RNF38: variants seen among roughly 807,000 people sequenced by gnomAD.
RNF38 encodes E3 ubiquitin-protein ligase RNF38.
A neutral mutation model predicts 67.2 loss-of-function variants in RNF38; 15 were observed. The ratio of observed to expected loss-of-function variants is 0.22; its 90% CI spans 0.15 to 0.34. The LOEUF (loss-of-function observed/expected upper bound fraction) is 0.34. RNF38 is among the 10% of genes least tolerant of loss of function. The pLI is 1.00. For synonymous variants in RNF38, 220 were observed against 218.8 expected, an observed-to-expected ratio of 1.01 and a Z score of -0.05; for missense variants, 524 against 639.9, an observed-to-expected ratio of 0.82 and a Z score of 1.95.
At chr9:36,402,771 T>G (rs1337685759), upstream of RNF38, among the ~76,000 whole-genome samples, 1 of 152,244 alleles carries the variant, frequency 6.6e-6, no homozygotes, top group Non-Finnish European at 1.5e-5. Context: ...TGAGGCAAGC[T>G]TCCTGAAACC....
chr9:36,384,413 A>C (rs1836441334), intron 2 of RNF38, among the ~76,000 whole-genome samples: 1 of 152,318 alleles, frequency 6.6e-6, no homozygotes, highest in Non-Finnish European at 1.5e-5. Context: ...CTGCAGACAT[A>C]GACAAAATTG....
chr9:36,342,694 TG>T (rs1375171244), intron 10 of RNF38, among the ~76,000 whole-genome samples: 2 of 152,204 alleles, frequency 1.3e-5, no homozygotes, highest in East Asian at 3.8e-4. Flanking sequence ...GTATTAGAAC[TG>T]GATGTCCACA....
chr9:36,366,186 A>G (rs1251741923), intron 4 of RNF38, among the ~76,000 whole-genome samples: 2 of 152,178 alleles, frequency 1.3e-5, no homozygotes, highest in Non-Finnish European at 2.9e-5. Flanking sequence ...CTATCATTTA[A>G]AAAAAATTTT....
At chr9:36,424,059 G>C (rs1327711654) in intron 2 of RNF38, among the ~76,000 whole-genome samples, 1 of 151,976 alleles carries the variant, frequency 6.6e-6, no homozygotes, top group African/African-American at 2.4e-5. Flanking sequence ...CAATAGTTTG[G>C]ACATAATTTA....
chr9:36,405,875 A>G (rs951245466), upstream of RNF38, among the ~76,000 whole-genome samples: 12 of 152,236 alleles, frequency 7.9e-5, no homozygotes, highest in Admixed American at 7.2e-4. Context: ...ACAAATTTAA[A>G]TAAGTGCTAG....
chr9:36,435,016 G>C (rs1458389553), intron 1 of RNF38, among the ~76,000 whole-genome samples: 2 of 152,134 alleles, frequency 1.3e-5, no homozygotes, highest in Non-Finnish European at 2.9e-5. Context: ...AGCTCTTTAT[G>C]TACTGATAAA....
chr9:36,388,157 T>G (rs1836786844), intron 2 of RNF38, among the ~76,000 whole-genome samples: 1 of 152,068 alleles, frequency 6.6e-6, no homozygotes, highest in Non-Finnish European at 1.5e-5. Flanking sequence ...TGAAGAGAGA[T>G]GTACGTGAGG....
At chr9:36,355,353 G>C (rs1426662101) in intron 6 of RNF38, among the ~76,000 whole-genome samples, 1 of 152,068 alleles carries the variant, frequency 6.6e-6, no homozygotes, top group African/African-American at 2.4e-5. Context: ...AAAACAACTG[G>C]ACCTTTTTTC....
chr9:36,396,157 ATT>A (rs914468039), intron 1 of RNF38, among the ~76,000 whole-genome samples: 2 of 152,212 alleles, frequency 1.3e-5, no homozygotes, highest in Non-Finnish European at 2.9e-5. Context: ...GCATTCAACT[ATT>A]TATTAAAAGA....
At chr9:36,453,319 A>G (rs1839504509) in intron 1 of RNF38, among the ~76,000 whole-genome samples, 1 of 151,734 alleles carries the variant, frequency 6.6e-6, no homozygotes, top group East Asian at 1.9e-4. Flanking sequence ...AACTCAAGCA[A>G]TCTTGCTGCC....
chr9:36,396,103 G>A (rs111320125), intron 1 of RNF38, among the ~76,000 whole-genome samples: 32 of 152,336 alleles, frequency 2.1e-4, no homozygotes, highest in African/African-American at 5.8e-4. Flanking sequence ...GTCCTGTTCA[G>A]CACAATGTCA....
At chr9:36,364,815 G>A (rs1834821998) in intron 4 of RNF38, among the ~76,000 whole-genome samples, 1 of 152,222 alleles carries the variant, frequency 6.6e-6, no homozygotes, top group Non-Finnish European at 1.5e-5. Flanking sequence ...TAAGTCTAGT[G>A]TACAGTCTGC....
intron 1 of RNF38, among the ~76,000 whole-genome samples, chr9:36,465,817 G>T (rs1587190237): frequency 6.6e-6 from 1 of 152,198 alleles, no homozygotes; most frequent in East Asian, 1.9e-4. Context: ...TTGGGAGGCC[G>T]AGGCGGGTGG....
At chr9:36,351,228 GAT>G in intron 8 of RNF38, 29 bp from the exon 9 acceptor site, 1 of 1,444,234 alleles carries the variant, frequency 6.9e-7, no homozygotes, top group Non-Finnish European at 9.7e-7. Flanking sequence ...CACTAGCATT[GAT>G]ATGTTAGTAC....
chr9:36,446,124 C>A (rs1158349544), intron 1 of RNF38, among the ~76,000 whole-genome samples: 1 of 152,182 alleles, frequency 6.6e-6, no homozygotes, highest in Non-Finnish European at 1.5e-5. Context: ...ACACCTGAAC[C>A]TCTGATCATG....
chr9:36,478,529 A>T (rs75777490), intron 1 of RNF38, among the ~76,000 whole-genome samples: 1 of 151,344 alleles, frequency 6.6e-6, no homozygotes, highest in African/African-American at 2.4e-5. Flanking sequence ...AAAAAAAAAA[A>T]AAGATTGGCC....
At chr9:36,397,479 G>C (rs960043114) in intron 1 of RNF38, among the ~76,000 whole-genome samples, 1 of 152,112 alleles carries the variant, frequency 6.6e-6, no homozygotes, top group Non-Finnish European at 1.5e-5. Flanking sequence ...TACTATGTGG[G>C]TGAGGATGTT....
At position 36,363,148 on chromosome 9, in the gene RNF38, T is replaced by A. The variant is rs1212247244; in HGVS notation, c.571-5206A>T. Among the ~76,000 whole-genome samples the A allele has an allele frequency of 2.0e-5, 2 of 99,948 alleles. 1 individual carries two copies. Among genetic ancestry groups the A allele is most frequent in the Non-Finnish European group, 5.2e-5 (2 of 38,534 alleles). The allele number at this position is 99,948 out of a possible 152,430, so 65.6% of individuals were successfully genotyped here. A position where few individuals can be genotyped will look rare whatever the true frequency, so the allele number is the denominator to read the frequency against. ...TCTCACTCTGTCACCCAGGCTGAAG[T>A]ACAATGGCACAATCACTTGGGCTCG... On this transcript the variant is annotated intron_variant, in intron 4 of 11. Coordinates refer to ENST00000259605, the MANE Select transcript of RNF38 (RefSeq NM_022781.5).
At chr9:36,383,346 C>T (rs1257644899) in intron 2 of RNF38, among the ~76,000 whole-genome samples, 1 of 152,100 alleles carries the variant, frequency 6.6e-6, no homozygotes, top group East Asian at 1.9e-4. Context: ...GGACTACAGG[C>T]GCGCACCAGC....
Sources: gnomAD v4.1 joint callset for allele counts (sites outside exome capture counted in the v4.1 genomes callset) on GRCh38, gnomAD v4.1.1 for gene constraint, MANE v1.5 for transcripts, NCBI Gene and HGNC (gene_info 2026-07-23, HGNC 2026-07-21) for gene names.